NEMP2: variants seen among roughly 807,000 people sequenced by gnomAD.
The protein encoded by NEMP2 is UPF0571 transmembrane protein.
A neutral mutation model predicts 54.2 loss-of-function variants in NEMP2; 53 were observed. The ratio of observed to expected loss-of-function variants is 0.98; its 90% CI spans 0.78 to 1.23. The LOEUF (loss-of-function observed/expected upper bound fraction) is 1.23. Ranked by LOEUF, NEMP2 falls within the 50% of genes most tolerant of loss-of-function variation. The probability of loss-of-function intolerance (pLI) is 0.00; values close to 1 mark genes in which losing one functional copy is unlikely to be tolerated. For missense variants in NEMP2, 455 were observed against 511.3 expected, an observed-to-expected ratio of 0.89 and a Z score of 1.06; for synonymous variants, 197 against 190.3, an observed-to-expected ratio of 1.04 and a Z score of -0.29.
chr2:190,493,944 A>G, the NEMP2 span, among the ~76,000 whole-genome samples: 2 of 152,162 alleles, frequency 1.3e-5, no homozygotes, highest in Non-Finnish European at 2.9e-5. Flanking sequence ...CTAAGGTCAC[A>G]CCTCAAGGAA....
At chr2:190,496,835 TCA>T in the NEMP2 span, among the ~76,000 whole-genome samples, 1 of 152,166 alleles carries the variant, frequency 6.6e-6, no homozygotes, top group Admixed American at 6.5e-5. The surrounding 1 kb of genome is among the most constrained non-coding windows in gnomAD (Gnocchi z 4.7). Flanking sequence ...TCGTATATTC[TCA>T]CTCATAAGTG....
At chr2:190,600,674 T>G in the NEMP2 span, among the ~76,000 whole-genome samples, 1 of 152,118 alleles carries the variant, frequency 6.6e-6, no homozygotes, top group African/African-American at 2.4e-5. This position sits in a 1 kb window ranked among gnomAD's most constrained non-coding sequence, Gnocchi z 4.9. Context: ...GCCAGCCCCC[T>G]TTTCACCTTT....
At chr2:190,532,759 G>A (rs112785482) in intron 1 of NEMP2, among the ~76,000 whole-genome samples, 148 of 152,314 alleles carry the variant, frequency 9.7e-4, no homozygotes, top group African/African-American at 3.3e-3. Flanking sequence ...AGAAACCATA[G>A]ACTTTTAAAG....
Position 190,505,233 on chromosome 2 carries a change from C to T in NEMP2, c.*3956G>A, listed in dbSNP as rs1242793857. ...ATAAATAAAGGAAGTAGAATATGAGCCCTGGAAGCAGACATATGGGGGCTT... is the reference window on the plus strand; with the variant it reads ...ATAAATAAAGGAAGTAGAATATGAGTCCTGGAAGCAGACATATGGGGGCTT... On this transcript the variant is annotated 3_prime_UTR_variant, in exon 9 of 9. Transcript: ENST00000409150. This position sits in a 1 kb window ranked among gnomAD's most constrained non-coding sequence, Gnocchi z 5.8. 2.6e-5 allele frequency: 4 copies of T among 152,088 alleles called. No individual in the cohort carries two copies. Among genetic ancestry groups the T allele is most frequent in the Non-Finnish European group, 5.9e-5 (4 of 68,024 alleles). 9.4% of individuals were successfully genotyped at this position (152,088 alleles called of 1,614,324 possible).
the NEMP2 span, among the ~76,000 whole-genome samples, chr2:190,619,516 A>T: frequency 2.5e-4 from 37 of 149,020 alleles, no homozygotes; most frequent in East Asian, 7.9e-4. This position sits in a 1 kb window ranked among gnomAD's most constrained non-coding sequence, Gnocchi z 5.5. Flanking sequence ...TAAAAAAATT[A>T]AAAAAAAAAG....
the NEMP2 span, chr2:190,489,873 A>T: frequency 6.2e-7 from 1 of 1,612,006 alleles, no homozygotes; most frequent in Non-Finnish European, 8.5e-7. This position sits in a 1 kb window ranked among gnomAD's most constrained non-coding sequence, Gnocchi z 6.6. Context: ...GAAGGTAATT[A>T]TTTCCATTCT....
the NEMP2 span, among the ~76,000 whole-genome samples, chr2:190,481,302 A>T: frequency 2.6e-5 from 4 of 152,154 alleles, no homozygotes; most frequent in Non-Finnish European, 5.9e-5. Flanking sequence ...CAACTCATAT[A>T]TTTTTTTAAG....
Position 190,517,609 on chromosome 2 carries a change from G to A in NEMP2, c.523C>T (p.Pro175Ser), listed in dbSNP as rs778232592. 5 of 1,547,062 alleles carry A rather than the reference G, an allele frequency of 3.2e-6. No individual in the cohort carries two copies. In the African/African-American group the frequency reaches 4.1e-5, roughly 13 times the overall value. The change falls in exon 5 of 9, where the codon CCT becomes TCT. Residue 175 changes from proline (P) to serine (S), a missense_variant. Physicochemically the swap from Pro to Ser is moderately conservative, Grantham distance 74. Transcript: ENST00000409150. Reference sequence around the variant, plus strand: ...GTTCCCGAGGAGTAATAGAAAGTAGGGCTTCTGTCAAGATAAGCAGATAAA... The same window carrying A: ...GTTCCCGAGGAGTAATAGAAAGTAGAGCTTCTGTCAAGATAAGCAGATAAA... ...FFYARTLSQS[P>S]TFYYSSGTVL...
the NEMP2 span, among the ~76,000 whole-genome samples, chr2:190,606,185 C>G: frequency 6.6e-6 from 1 of 152,010 alleles, no homozygotes; most frequent in Non-Finnish European, 1.5e-5. Flanking sequence ...TTTCTAACTT[C>G]CTTTTTCCTA....
the NEMP2 span, among the ~76,000 whole-genome samples, chr2:190,478,895 C>G: frequency 6.6e-6 from 1 of 151,920 alleles, no homozygotes; most frequent in African/African-American, 2.4e-5. Context: ...ATCCCCAAAA[C>G]ACCACGAGAA....
At position 190,527,608 on chromosome 2, in the gene NEMP2, G is replaced by A. The variant is rs1690985415; in HGVS notation, c.98-2230C>T. Among the ~76,000 whole-genome samples, 1 of 152,132 alleles carries A rather than the reference G, an allele frequency of 6.6e-6. No homozygotes were observed. Among genetic ancestry groups the A allele is most frequent in the South Asian group, 2.1e-4 (1 of 4,824 alleles). ...AAGATGCAAATACAAGAATCCAGGT[G>A]AAAAGCCAGTAAAAACCACAAGAAG... On this transcript the variant is annotated intron_variant, in intron 1 of 8. Coordinates refer to ENST00000409150, the MANE Select transcript of NEMP2 (RefSeq NM_001142645.2). This position sits in a 1 kb window ranked among gnomAD's most constrained non-coding sequence, Gnocchi z 4.0.
At chr2:190,448,852 T>G in the NEMP2 span, among the ~76,000 whole-genome samples, 2 of 152,234 alleles carry the variant, frequency 1.3e-5, no homozygotes, top group Non-Finnish European at 2.9e-5. Context: ...CTACCTTTTT[T>G]TGGTATTTTC....
the NEMP2 span, among the ~76,000 whole-genome samples, chr2:190,621,751 CAATT>C: frequency 6.6e-6 from 1 of 152,122 alleles, no homozygotes; most frequent in Non-Finnish European, 1.5e-5. Flanking sequence ...ACATGATGGT[CAATT>C]AATTTTCTAC....
At chr2:190,500,959 C>G (rs555129484), downstream of NEMP2, 1 of 152,208 alleles carries the variant, frequency 6.6e-6, no homozygotes, top group Admixed American at 6.5e-5. This position sits in a 1 kb window ranked among gnomAD's most constrained non-coding sequence, Gnocchi z 5.3. Flanking sequence ...CAGAAACAAG[C>G]GATTATTTCA....
chr2:190,525,371 C>T lies in NEMP2; in HGVS notation c.105G>A (p.Arg35=). 2.0e-6 allele frequency: 3 copies of T among 1,514,458 alleles called. No homozygotes were observed. The highest frequency in any genetic ancestry group is 2.7e-6 in the Non-Finnish European group (3 of 1,115,890). The allele number at this position is 1,514,458 out of a possible 1,614,324, so 93.8% of individuals were successfully genotyped here. ...EAAAAALSVR[R]CKALKEKDLI... Reference sequence around the variant, plus strand: ...AATCTTTTTCCTTCAAAGCTTTACACCTACGAACTGAGAGATGGAAAAGGG... The same window carrying T: ...AATCTTTTTCCTTCAAAGCTTTACATCTACGAACTGAGAGATGGAAAAGGG... The change falls in exon 2 of 9, where the codon AGG becomes AGA. Residue 35 remains arginine, a synonymous_variant. Transcript: ENST00000409150. The surrounding 1 kb of genome is among the most constrained non-coding windows in gnomAD (Gnocchi z 5.0).
the NEMP2 span, among the ~76,000 whole-genome samples, chr2:190,471,261 C>T: frequency 6.6e-6 from 1 of 152,146 alleles, no homozygotes; most frequent in African/African-American, 2.4e-5. This position sits in a 1 kb window ranked among gnomAD's most constrained non-coding sequence, Gnocchi z 4.7. Flanking sequence ...GTGGGTGCAG[C>T]GCGGTGAGCG....
chr2:190,625,336 C>G, the NEMP2 span: 1 of 152,070 alleles, frequency 6.6e-6, no homozygotes, highest in Non-Finnish European at 1.5e-5. Flanking sequence ...TGTATGATTC[C>G]ATTTATATAA....
At chr2:190,637,884 G>A in the NEMP2 span, among the ~76,000 whole-genome samples, 1 of 152,226 alleles carries the variant, frequency 6.6e-6, no homozygotes, top group Non-Finnish European at 1.5e-5. The surrounding 1 kb of genome is among the most constrained non-coding windows in gnomAD (Gnocchi z 4.5). Flanking sequence ...CAAGCAAATA[G>A]TCTCCAGGTA....
At chr2:190,627,823 T>C in the NEMP2 span, 2 of 152,242 alleles carry the variant, frequency 1.3e-5, no homozygotes, top group Non-Finnish European at 2.9e-5. This position sits in a 1 kb window ranked among gnomAD's most constrained non-coding sequence, Gnocchi z 4.4. Context: ...AATAAAATAA[T>C]AAAGTTATGT....
Sources: allele counts gnomAD v4.1 joint callset (sites outside exome capture counted in the v4.1 genomes callset), GRCh38; gene constraint gnomAD v4.1.1; non-coding constraint Gnocchi (gnomAD v3.1); transcripts MANE v1.5; gene names NCBI Gene and HGNC (gene_info 2026-07-23, HGNC 2026-07-21).